Variants in ZNF341 observed in about 807,000 individuals in gnomAD.
ZNF341 encodes zinc finger protein 341.
Under a neutral mutation model 87.7 loss-of-function variants are expected in ZNF341, and 52 were observed. The observed-to-expected ratio is 0.59, with a 90% CI of 0.47 to 0.75. ZNF341 has a LOEUF of 0.75. Ranked by LOEUF, ZNF341 falls within the 30% of genes least tolerant of loss-of-function variation. ZNF341 has a pLI of 0.00. For synonymous variants in ZNF341, 459 were observed against 472.7 expected (o/e 0.97, Z 0.38); for missense variants, 977 against 1,145.9 (o/e 0.85, Z 2.13).
In ZNF341 at chr20:33,732,733, C is replaced by T. The variant is rs1409995033; in HGVS notation, c.31+681C>T. Among the ~76,000 whole-genome samples, 1 of 152,192 alleles carries T rather than the reference C, an allele frequency of 6.6e-6. No individual in the cohort carries two copies. Among genetic ancestry groups the T allele is most frequent in the Non-Finnish European group, 1.5e-5 (1 of 68,032 alleles). On this transcript the variant is annotated intron_variant, in intron 1 of 14. Transcript: ENST00000375200. The surrounding 1 kb of genome is among the most constrained non-coding windows in gnomAD (Gnocchi z 4.5). ...GACCCAGGCCAGCAAACGCTGGGTGCCGACAGACTGTTCCGTGCTCTGCAA... is the reference window on the plus strand; with the variant it reads ...GACCCAGGCCAGCAAACGCTGGGTGTCGACAGACTGTTCCGTGCTCTGCAA...
chr20:33,742,313 C>T (rs1443301079), intron 2 of ZNF341, among the ~76,000 whole-genome samples: 2 of 152,208 alleles, frequency 1.3e-5, no homozygotes, highest in Non-Finnish European at 2.9e-5. Context: ...CCTCCTGCCT[C>T]AGCCTCCTGA....
At chr20:33,741,271 C>T (rs1025578601) in intron 2 of ZNF341, among the ~76,000 whole-genome samples, 4 of 152,198 alleles carry the variant, frequency 2.6e-5, no homozygotes, top group Non-Finnish European at 5.9e-5. Context: ...CTAAGGGCCC[C>T]AATGCCTGAC....
chr20:33,749,189 G>T, intron 4 of ZNF341, 117 bp downstream of exon 4: 2 of 1,383,314 alleles, frequency 1.4e-6, no homozygotes, highest in Non-Finnish European at 1.9e-6. Context: ...TGATGCTGAG[G>T]GAGGCTATCA....
In ZNF341 at chr20:33,761,188, GA is replaced by G. The variant is rs555483462; in HGVS notation, c.1029-669del. On this transcript the variant is annotated intron_variant, in intron 7 of 14. Transcript: ENST00000375200. ...TTTTAAAAAAGTGAGTTGATTTGAA[GA>G]AAAATGTTAAACTGTGGTACAAGTG... Among the ~76,000 whole-genome samples the G allele has an allele frequency of 3.1e-3, 473 of 152,098 alleles. 4 individuals carry two copies. The highest frequency in any genetic ancestry group is 0.011 in the African/African-American group (437 of 41,478).
At chr20:33,770,911 G>C (rs1214740908) in intron 10 of ZNF341, among the ~76,000 whole-genome samples, 2 of 152,150 alleles carry the variant, frequency 1.3e-5, no homozygotes, top group Non-Finnish European at 2.9e-5. Context: ...ATGAGGTCAG[G>C]AGATGGAGAC....
chr20:33,758,556 C>T (rs988532903), intron 6 of ZNF341, among the ~76,000 whole-genome samples, 160 bp from the exon 7 acceptor site: 2 of 152,150 alleles, frequency 1.3e-5, no homozygotes, highest in Non-Finnish European at 2.9e-5. Flanking sequence ...CCTCTCCAGG[C>T]CCTGTGAAGC....
At chr20:33,739,817 G>C (rs925577772) in intron 1 of ZNF341, among the ~76,000 whole-genome samples, 2 of 152,160 alleles carry the variant, frequency 1.3e-5, no homozygotes, top group Admixed American at 6.5e-5. Flanking sequence ...GGCAGTCTAA[G>C]ATAGGAAGAT....
At chr20:33,752,302 T>A in intron 4 of ZNF341, 2 of 607,184 alleles carry the variant, frequency 3.3e-6, no homozygotes, top group Admixed American at 3.8e-5. Context: ...GGATGCAGTA[T>A]GGGACATTCT....
chr20:33,747,674 G>C (rs1224182888), intron 3 of ZNF341, among the ~76,000 whole-genome samples: 2 of 142,936 alleles, frequency 1.4e-5, no homozygotes, highest in African/African-American at 5.1e-5. Flanking sequence ...TTGACTGTGA[G>C]TTTTGCTAGT....
intron 10 of ZNF341, among the ~76,000 whole-genome samples, chr20:33,778,911 C>G (rs1317938001): frequency 6.6e-6 from 1 of 152,102 alleles, no homozygotes; most frequent in Non-Finnish European, 1.5e-5. Flanking sequence ...ATGGTGGTGT[C>G]TTTTCTCCCT....
At chr20:33,788,665 G>T in intron 12 of ZNF341, 198 bp from the exon 13 acceptor site, 4 of 626,382 alleles carry the variant, frequency 6.4e-6, no homozygotes, top group Non-Finnish European at 1.2e-5. Context: ...CATCAGAGAG[G>T]CCTCTCCTGA....
chr20:33,761,119 CA>C (rs1269945846), intron 7 of ZNF341, among the ~76,000 whole-genome samples: 1 of 151,402 alleles, frequency 6.6e-6, no homozygotes, highest in African/African-American at 2.4e-5. Flanking sequence ...CTCAGATTCC[CA>C]AAGTGCTAGA....
rs547703670 is a variant in ZNF341, at chr20:33,732,660, C to T, written c.31+608C>T. Among the ~76,000 whole-genome samples the T allele has an allele frequency of 1.1e-3, 170 of 152,344 alleles. No individual in the cohort carries two copies. The highest frequency in any genetic ancestry group is 3.9e-3 in the African/African-American group (162 of 41,588). ...GGTGCAGTTTTACAAATTAAACTGA[C>T]ACCGTGGGTGCTGGCGCGGTGTGCC... On this transcript the variant is annotated intron_variant, in intron 1 of 14. Transcript: ENST00000375200. This position sits in a 1 kb window ranked among gnomAD's most constrained non-coding sequence, Gnocchi z 4.5.
chr20:33,733,336 C>T (rs184233635), intron 1 of ZNF341, among the ~76,000 whole-genome samples: 251 of 151,056 alleles, frequency 1.7e-3, no homozygotes, highest in African/African-American at 5.9e-3. Context: ...TCTTCTGCTT[C>T]TTCTGCCTCA....
intron 2 of ZNF341, 118 bp downstream of exon 2, chr20:33,741,130 G>A (rs1183772811): frequency 4.1e-6 from 4 of 970,908 alleles, no homozygotes; most frequent in Non-Finnish European, 6.3e-6. Flanking sequence ...GACATGCTCT[G>A]GTGTCTGAAC....
chr20:33,790,941 G>T (rs528588545), intron 14 of ZNF341, 47 bp from the exon 15 acceptor site: 1 of 1,566,800 alleles, frequency 6.4e-7, no homozygotes, highest in Non-Finnish European at 8.6e-7. Flanking sequence ...GCACTGTTGC[G>T]GGGTGAAGGT....
chr20:33,759,681 G>A (rs1211950774), intron 7 of ZNF341, among the ~76,000 whole-genome samples: 2 of 152,194 alleles, frequency 1.3e-5, no homozygotes, highest in Non-Finnish European at 1.5e-5. Context: ...TCCTTAGGAA[G>A]TCATAGAGAA....
chr20:33,747,639 A>AAG (rs2018960376), intron 3 of ZNF341, among the ~76,000 whole-genome samples: 2 of 142,418 alleles, frequency 1.4e-5, no homozygotes, highest in Non-Finnish European at 1.6e-5. Flanking sequence ...AAAAAAAAAA[A>AAG]AAACACAGTC....
At chr20:33,785,930 C>G (rs545653444) in intron 12 of ZNF341, among the ~76,000 whole-genome samples, 1 of 151,988 alleles carries the variant, frequency 6.6e-6, no homozygotes, top group Non-Finnish European at 1.5e-5. Flanking sequence ...GGGCCCCCCC[C>G]AGAAGTTGTT....
Sources: gnomAD v4.1 joint callset for allele counts (sites outside exome capture counted in the v4.1 genomes callset) on GRCh38, gnomAD v4.1.1 for gene constraint, Gnocchi (gnomAD v3.1) non-coding constraint, MANE v1.5 for transcripts, NCBI Gene and HGNC (gene_info 2026-07-23, HGNC 2026-07-21) for gene names.